Variants in ROR1 observed in about 807,000 individuals in gnomAD.
ROR1 encodes inactive tyrosine-protein kinase transmembrane receptor ROR1.
ROR1 carries 19 observed loss-of-function variants against 78.8 expected under a neutral mutation model. The ratio of observed to expected loss-of-function variants is 0.24; its 90% CI spans 0.17 to 0.35. The LOEUF (loss-of-function observed/expected upper bound fraction) is 0.35, where lower values mean the gene tolerates loss of function less well. ROR1 is among the 10% of genes least tolerant of loss of function. The pLI is 1.00. For synonymous variants in ROR1, 386 were observed against 433.6 expected, an observed-to-expected ratio of 0.89 and a Z score of 1.36; for missense variants, 917 against 1,177.8, an observed-to-expected ratio of 0.78 and a Z score of 3.24.
At chr1:63,908,944 G>T (rs984661167) in intron 1 of ROR1, among the ~76,000 whole-genome samples, 2 of 152,210 alleles carry the variant, frequency 1.3e-5, no homozygotes, top group Non-Finnish European at 2.9e-5. Flanking sequence ...ATACAATGCA[G>T]AAGTGCAGGG....
intron 1 of ROR1, among the ~76,000 whole-genome samples, chr1:63,936,310 G>T (rs944718142): frequency 6.6e-6 from 1 of 152,150 alleles, no homozygotes; most frequent in Non-Finnish European, 1.5e-5. Context: ...TAAGCAAGGG[G>T]TGCTCTAAAG....
At chr1:64,002,969 T>C (rs748998435) in intron 1 of ROR1, among the ~76,000 whole-genome samples, 2 of 152,188 alleles carry the variant, frequency 1.3e-5, no homozygotes. Flanking sequence ...CAGTTGAAGA[T>C]GCTCTGGCTT....
At chr1:64,061,686 T>A (rs1053931228) in intron 4 of ROR1, among the ~76,000 whole-genome samples, 2 of 152,194 alleles carry the variant, frequency 1.3e-5, no homozygotes, top group African/African-American at 4.8e-5. Context: ...GCTAGTTCTT[T>A]CTGTGTAATT....
chr1:63,911,304 G>A (rs1035242558), intron 1 of ROR1, among the ~76,000 whole-genome samples: 1 of 152,062 alleles, frequency 6.6e-6, no homozygotes, highest in African/African-American at 2.4e-5. Context: ...TTGTTGTTCT[G>A]GGCATTAGAA....
chr1:63,917,737 C>T (rs1455008490), intron 1 of ROR1, among the ~76,000 whole-genome samples: 1 of 152,100 alleles, frequency 6.6e-6, no homozygotes, highest in Non-Finnish European at 1.5e-5. Context: ...AGAGCCCTGG[C>T]CACAGGAAAT....
intron 1 of ROR1, among the ~76,000 whole-genome samples, chr1:63,860,562 T>TACACACACACACACACAC (rs68153450): frequency 2.1e-4 from 27 of 126,600 alleles, no homozygotes; most frequent in African/African-American, 2.8e-4. Context: ...CTACTAAAAA[T>TACACACACACACACACAC]ACACACACAC....
chr1:63,959,032 G>T (rs1456373238), intron 1 of ROR1, among the ~76,000 whole-genome samples: 2 of 152,168 alleles, frequency 1.3e-5, no homozygotes, highest in Non-Finnish European at 2.9e-5. Context: ...ACATACCCGA[G>T]ACTCGGTAAT....
chr1:63,824,636 T>C (rs1223334731), intron 1 of ROR1, among the ~76,000 whole-genome samples: 3 of 152,178 alleles, frequency 2.0e-5, no homozygotes, highest in Non-Finnish European at 4.4e-5. Flanking sequence ...AAATGAATAA[T>C]AGAATTGAGT....
At chr1:64,137,345 A>G (rs1158922453) in intron 4 of ROR1, 24 bp from the exon 5 acceptor site, 1 of 1,613,448 alleles carries the variant, frequency 6.2e-7, no homozygotes, top group Admixed American at 1.7e-5. Flanking sequence ...GCATCAGCTA[A>G]TGTCTGTCTA....
chr1:63,937,329 T>C (rs573656331), intron 1 of ROR1, among the ~76,000 whole-genome samples: 1 of 152,356 alleles, frequency 6.6e-6, no homozygotes, highest in East Asian at 1.9e-4. Flanking sequence ...AATTGAGATC[T>C]GAACTTCAGC....
chr1:63,894,164 G>C (rs1210286205), intron 1 of ROR1, among the ~76,000 whole-genome samples: 1 of 152,124 alleles, frequency 6.6e-6, no homozygotes, highest in African/African-American at 2.4e-5. Flanking sequence ...AGGTAGCATA[G>C]AAAGTGGGAA....
intron 1 of ROR1, among the ~76,000 whole-genome samples, chr1:63,960,208 C>T (rs1483045364): frequency 6.6e-6 from 1 of 152,208 alleles, no homozygotes; most frequent in African/African-American, 2.4e-5. Flanking sequence ...TGAATGACAA[C>T]TTTCAGTACT....
intron 1 of ROR1, among the ~76,000 whole-genome samples, chr1:63,935,120 C>T (rs531170227): frequency 3.4e-5 from 5 of 147,902 alleles, no homozygotes; most frequent in African/African-American, 1.2e-4. Context: ...AAATATGGTT[C>T]AGTAATTCAT....
In ROR1 at chr1:63,945,179, C is replaced by T. The variant is rs549317574; in HGVS notation, c.92-64126C>T. 1.7e-4 allele frequency among the ~76,000 whole-genome samples: 26 copies of T among 152,198 alleles called. 1 individual carries two copies. The highest frequency in any genetic ancestry group is 1.5e-3 in the East Asian group (8 of 5,170). On this transcript the variant is annotated intron_variant, in intron 1 of 8. Coordinates refer to ENST00000371079, the MANE Select transcript of ROR1 (RefSeq NM_005012.4). ...AGTATGGTCCTCTGTAGTTTTCAAA[C>T]GGTGTCACTTGGAGACTTGTTAAGG...
At chr1:63,963,633 G>A (rs1393290917) in intron 1 of ROR1, among the ~76,000 whole-genome samples, 1 of 151,786 alleles carries the variant, frequency 6.6e-6, no homozygotes, top group Non-Finnish European at 1.5e-5. Flanking sequence ...AAAGAATTCT[G>A]ATTTGTAGAT....
intron 1 of ROR1, among the ~76,000 whole-genome samples, chr1:63,797,815 TTTGTTG>T (rs952057973): frequency 4.6e-5 from 7 of 152,148 alleles, no homozygotes; most frequent in Non-Finnish European, 1.0e-4. Context: ...TAGGGACACC[TTTGTTG>T]TTGTTGTTTT....
At chr1:63,902,332 T>C (rs1645491829) in intron 1 of ROR1, among the ~76,000 whole-genome samples, 2 of 151,992 alleles carry the variant, frequency 1.3e-5, no homozygotes, top group South Asian at 4.2e-4. Flanking sequence ...ACCTTTTTTT[T>C]TTCTTTTAAG....
intron 1 of ROR1, among the ~76,000 whole-genome samples, chr1:63,852,275 A>G (rs933803597): frequency 6.6e-6 from 1 of 152,214 alleles, no homozygotes. Context: ...CTGCCGGGGC[A>G]TACATGTATG....
intron 1 of ROR1, among the ~76,000 whole-genome samples, chr1:63,913,513 G>A (rs1005359692): frequency 5.3e-5 from 8 of 152,264 alleles, no homozygotes; most frequent in South Asian, 2.1e-4. Context: ...ACTAGTTGCC[G>A]TAAGATTCAG....
Sources: allele counts gnomAD v4.1 joint callset (sites outside exome capture counted in the v4.1 genomes callset), GRCh38; gene constraint gnomAD v4.1.1; transcripts MANE v1.5; gene names NCBI Gene and HGNC (gene_info 2026-07-23, HGNC 2026-07-21).